CACNA1E: variants seen among roughly 807,000 people sequenced by gnomAD.
CACNA1E encodes calcium voltage-gated channel subunit alpha1 E, also known as voltage-dependent R-type calcium channel subunit alpha-1E.
Under a neutral mutation model 259.2 loss-of-function variants are expected in CACNA1E, and 40 were observed. That is an observed-to-expected ratio of 0.15 (90% confidence interval 0.12 to 0.20). CACNA1E has a LOEUF of 0.20. CACNA1E is among the 10% of genes least tolerant of loss of function. CACNA1E has a pLI of 1.00. For synonymous variants in CACNA1E, 1,104 were observed against 1,138.5 expected, an observed-to-expected ratio of 0.97 and a Z score of 0.61; for missense variants, 1,874 against 3,040.1, an observed-to-expected ratio of 0.62 and a Z score of 9.02.
chr1:181,704,310 A>G (rs1652573511), intron 7 of CACNA1E, among the ~76,000 whole-genome samples: 1 of 152,192 alleles, frequency 6.6e-6, no homozygotes, highest in Non-Finnish European at 1.5e-5. Context: ...ATATAGAAAC[A>G]TTGAAGAGGC....
chr1:181,736,526 G>C, intron 22 of CACNA1E, 92 bp downstream of exon 22: 2 of 1,196,678 alleles, frequency 1.7e-6, no homozygotes, highest in South Asian at 3.1e-5. Context: ...AAGGATGGGG[G>C]CCCAGCCATC....
In CACNA1E at chr1:181,732,795, G is replaced by A. The variant is rs1490540640; in HGVS notation, c.2709G>A (p.Glu903=). 3.7e-6 allele frequency: 6 copies of A among 1,601,310 alleles called. No individual in the cohort carries two copies. Among genetic ancestry groups the A allele is most frequent in the Non-Finnish European group, 5.1e-6 (6 of 1,173,084 alleles). The part of the protein sequence containing the change: ...DPTQQEAGGG[E]AVVTFEDRAR... ...CTCAGCAGGAGGCAGGGGGAGGAGA[G>A]GCTGTGGTGACCTTTGAGGACCGGG... Residue 903 remains glutamate (E), a synonymous_variant, in exon 20 of 48, where the codon GAG becomes GAA. Transcript: ENST00000367573. This position sits in a 1 kb window ranked among gnomAD's most constrained non-coding sequence, Gnocchi z 5.5.
intron 2 of CACNA1E, among the ~76,000 whole-genome samples, chr1:181,455,558 C>T (rs1661411001): frequency 6.6e-6 from 1 of 152,202 alleles, no homozygotes; most frequent in Non-Finnish European, 1.5e-5. Context: ...TCTTTGGCTC[C>T]TTTCAATTAA....
chr1:181,469,636 A>G (rs1662368981), intron 2 of CACNA1E, among the ~76,000 whole-genome samples: 1 of 152,190 alleles, frequency 6.6e-6, no homozygotes, highest in African/African-American at 2.4e-5. Context: ...CATATGGATG[A>G]GATCACTGAG....
At position 181,757,922 on chromosome 1, in the gene CACNA1E, G is replaced by A. The variant is rs1658230622; in HGVS notation, c.4330-25G>A. 6 of 1,611,224 alleles carry A rather than the reference G, an allele frequency of 3.7e-6. No individual in the cohort carries two copies. In the African/African-American group the frequency reaches 8.0e-5, roughly 21 times the overall value. On this transcript the variant is annotated intron_variant, in intron 30 of 47. Transcript: ENST00000367573. ...GTAGATCTAGGGGATTTGAATTTGT[G>A]CTAATAACCATGACTTTCTTGCAGA...
intron 18 of CACNA1E, among the ~76,000 whole-genome samples, chr1:181,728,046 A>G (rs1240856114): frequency 6.6e-6 from 1 of 152,178 alleles, no homozygotes; most frequent in Non-Finnish European, 1.5e-5. Flanking sequence ...TTAAAGGTTG[A>G]TAGGGAAATG....
chr1:181,647,440 A>G (rs1446291915), intron 6 of CACNA1E, among the ~76,000 whole-genome samples: 1 of 152,104 alleles, frequency 6.6e-6, no homozygotes, highest in Non-Finnish European at 1.5e-5. Flanking sequence ...AGAGAGAATG[A>G]GTGATTCTCC....
At chr1:181,608,559 C>G (rs1654447987) in intron 6 of CACNA1E, among the ~76,000 whole-genome samples, 2 of 152,000 alleles carry the variant, frequency 1.3e-5, no homozygotes, top group South Asian at 4.1e-4. Flanking sequence ...ATGACCAGAA[C>G]ACTGTTGTGA....
intron 1 of CACNA1E, among the ~76,000 whole-genome samples, chr1:181,371,388 A>G (rs1372863858): frequency 6.6e-6 from 1 of 152,144 alleles, no homozygotes; most frequent in Non-Finnish European, 1.5e-5. Context: ...CAGCCTATGG[A>G]ACAGCTGGGA....
intron 6 of CACNA1E, among the ~76,000 whole-genome samples, chr1:181,592,784 C>T (rs1333915554): frequency 6.6e-6 from 1 of 152,142 alleles, no homozygotes; most frequent in Non-Finnish European, 1.5e-5. Flanking sequence ...TTCCCCAACT[C>T]TCCCATGCAT....
chr1:181,406,891 A>G lies in CACNA1E; in HGVS notation c.-14-6242A>G, dbSNP rs145051930. Reference sequence around the variant, plus strand: ...CCCAGATACTATGTTGATTCTTATCACAGGCTTCTGTAGGGCAGGTTATAT... The same window carrying G: ...CCCAGATACTATGTTGATTCTTATCGCAGGCTTCTGTAGGGCAGGTTATAT... On this transcript the variant is annotated intron_variant, in intron 1 of 11. Transcript: ENST00000524607. Among the ~76,000 whole-genome samples the G allele has an allele frequency of 5.1e-3, 772 of 152,272 alleles. 4 individuals carry two copies. The highest frequency in any genetic ancestry group is 0.016 in the African/African-American group (656 of 41,542).
chr1:181,653,688 T>C (rs4083386), intron 7 of CACNA1E, among the ~76,000 whole-genome samples: 16,044 of 152,272 alleles, frequency 0.11, 1,703 homozygotes, highest in African/African-American at 0.27. Context: ...ATTGCCTCTT[T>C]TTCAATGTCT....
rs755005878 is a variant in CACNA1E, at chr1:181,776,244, G to A, written c.5267+16G>A. ...GAGCAGCATGGTGCGTAGGCCCCTC[G>A]GCCGCCCCAGCGGGGCCCAGAGCAA... On this transcript the variant is annotated intron_variant, in intron 38 of 47. Coordinates refer to ENST00000367573, the MANE Select transcript of CACNA1E (RefSeq NM_001205293.3). This position sits in a 1 kb window ranked among gnomAD's most constrained non-coding sequence, Gnocchi z 4.4. The A allele has an allele frequency of 8.1e-6, 13 of 1,613,584 alleles. No individual in the cohort carries two copies. Among genetic ancestry groups the A allele is most frequent in the South Asian group, 3.3e-5 (3 of 91,070 alleles).
intron 3 of CACNA1E, among the ~76,000 whole-genome samples, chr1:181,515,957 G>C (rs1178939936): frequency 6.6e-6 from 1 of 152,178 alleles, no homozygotes; most frequent in African/African-American, 2.4e-5. Context: ...AAGAGGGATT[G>C]TCTGTTCCCA....
chr1:181,624,339 C>T (rs1254597867), intron 6 of CACNA1E, among the ~76,000 whole-genome samples: 5 of 152,154 alleles, frequency 3.3e-5, no homozygotes, highest in African/African-American at 7.2e-5. Flanking sequence ...TTGCTGCAGC[C>T]ATTGACTCTT....
At chr1:181,598,338 G>A (rs1187433585) in intron 6 of CACNA1E, among the ~76,000 whole-genome samples, 1 of 152,152 alleles carries the variant, frequency 6.6e-6, no homozygotes, top group African/African-American at 2.4e-5. Context: ...TGAGCATTAT[G>A]GACCCATTGC....
chr1:181,488,159 T>C (rs1350016323), intron 1 of CACNA1E, among the ~76,000 whole-genome samples: 3 of 152,358 alleles, frequency 2.0e-5, no homozygotes, highest in East Asian at 1.9e-4. Flanking sequence ...CCAAAAGTTT[T>C]AGTTCTTAAA....
At chr1:181,468,925 G>C (rs570879207) in intron 2 of CACNA1E, among the ~76,000 whole-genome samples, 1 of 152,252 alleles carries the variant, frequency 6.6e-6, no homozygotes, top group South Asian at 2.1e-4. Flanking sequence ...CAGGTAATAA[G>C]GACTTAGACT....
At chr1:181,557,724 T>A (rs953236883) in intron 3 of CACNA1E, among the ~76,000 whole-genome samples, 7 of 152,166 alleles carry the variant, frequency 4.6e-5, no homozygotes, top group African/African-American at 1.7e-4. Flanking sequence ...GCTCATGTTA[T>A]CCGCTGGGCA....
Sources: allele counts gnomAD v4.1 joint callset (sites outside exome capture counted in the v4.1 genomes callset), GRCh38; gene constraint gnomAD v4.1.1; non-coding constraint Gnocchi (gnomAD v3.1); transcripts MANE v1.5; gene names NCBI Gene and HGNC (gene_info 2026-07-23, HGNC 2026-07-21).